TC2N: variants seen among roughly 807,000 people sequenced by gnomAD.
TC2N encodes the protein tandem C2 domains, nuclear, also known as tandem C2 domains nuclear protein.
Under a neutral mutation model 61.9 loss-of-function variants are expected in TC2N, and 51 were observed. The ratio of observed to expected loss-of-function variants is 0.82; its 90% CI spans 0.66 to 1.04. The LOEUF (loss-of-function observed/expected upper bound fraction) is 1.04, where lower values mean the gene tolerates loss of function less well. Ranked by LOEUF, TC2N falls within the 50% of genes least tolerant of loss-of-function variation. The pLI, the probability that TC2N is intolerant of heterozygous loss-of-function variation, is 0.00. For missense variants in TC2N, 556 were observed against 566.7 expected, an observed-to-expected ratio of 0.98 and a Z score of 0.19; for synonymous variants, 204 against 192.6, an observed-to-expected ratio of 1.06 and a Z score of -0.49.
At chr14:91,791,898 C>A (rs929549160) in intron 9 of TC2N, among the ~76,000 whole-genome samples, 3 of 151,998 alleles carry the variant, frequency 2.0e-5, no homozygotes, top group African/African-American at 7.2e-5. Flanking sequence ...GGGCAGATCA[C>A]GAGGTCAGGA....
chr14:91,849,941 C>T (rs111634959), intron 1 of TC2N, among the ~76,000 whole-genome samples: 6,198 of 151,428 alleles, frequency 0.041, 347 homozygotes, highest in African/African-American at 0.12. Flanking sequence ...CCCAGCTACT[C>T]GGGAGGCTGA....
intron 11 of TC2N, among the ~76,000 whole-genome samples, chr14:91,784,099 C>T (rs528793965): frequency 2.6e-5 from 4 of 152,194 alleles, no homozygotes; most frequent in East Asian, 1.9e-4. Flanking sequence ...ATAAGCCATA[C>T]GGAGCAGATG....
chr14:91,825,295 G>A (rs1887449509), intron 1 of TC2N, among the ~76,000 whole-genome samples: 1 of 152,044 alleles, frequency 6.6e-6, no homozygotes, highest in South Asian at 2.1e-4. Context: ...GCCTCCCAAA[G>A]TGCTGGGATT....
chr14:91,851,141 A>T (rs1888367202), intron 1 of TC2N, among the ~76,000 whole-genome samples: 1 of 152,144 alleles, frequency 6.6e-6, no homozygotes, highest in East Asian at 1.9e-4. Flanking sequence ...AATCATCCCA[A>T]AACCATCCCC....
rs11406325 is a variant in TC2N at position 91,838,146 on chromosome 14, C to CTTT, written c.-56-24324_-56-24322dup. On this transcript the variant is annotated intron_variant, in intron 1 of 11. Transcript: ENST00000435962. ...CATTCTGTCTCTCTCTCATTTGTTC[C>CTTT]TTTTTTTTTTTTTTTTTGGGCAGGC... is the stretch of plus-strand genomic sequence containing the variant. 7.0e-3 allele frequency among the ~76,000 whole-genome samples: 921 copies of CTTT among 131,804 alleles called. 17 individuals carry two copies. Among genetic ancestry groups the CTTT allele is most frequent in the African/African-American group, 0.024 (837 of 34,296 alleles). 86.5% of individuals were successfully genotyped at this position (131,804 alleles called of 152,430 possible).
At chr14:91,819,382 C>T (rs931580855) in intron 1 of TC2N, among the ~76,000 whole-genome samples, 1 of 151,600 alleles carries the variant, frequency 6.6e-6, no homozygotes, top group Admixed American at 6.6e-5. Flanking sequence ...TCAATGGAAA[C>T]AAAACAAAAA....
At chr14:91,848,327 G>C (rs886928726) in intron 1 of TC2N, among the ~76,000 whole-genome samples, 1 of 152,180 alleles carries the variant, frequency 6.6e-6, no homozygotes, top group African/African-American at 2.4e-5. Context: ...ATAACTAAGA[G>C]AAAACCCACA....
intron 1 of TC2N, 54 bp downstream of exon 1, chr14:91,867,208 C>T (rs554332779): frequency 6.6e-6 from 1 of 152,168 alleles, no homozygotes; most frequent in East Asian, 1.9e-4. Flanking sequence ...GTCCTCAAAT[C>T]ATCAAGACAG....
At chr14:91,828,920 A>G (rs1344060563) in intron 1 of TC2N, among the ~76,000 whole-genome samples, 1 of 151,978 alleles carries the variant, frequency 6.6e-6, no homozygotes, top group Non-Finnish European at 1.5e-5. Context: ...TCTCATTCTT[A>G]AAGATATTTC....
At chr14:91,863,574 G>T (rs1433499404) in intron 1 of TC2N, among the ~76,000 whole-genome samples, 1 of 152,130 alleles carries the variant, frequency 6.6e-6, no homozygotes, top group African/African-American at 2.4e-5. Flanking sequence ...AAGATTTTTT[G>T]ATTTGCAATT....
intron 5 of TC2N, among the ~76,000 whole-genome samples, chr14:91,799,915 A>T (rs758032124): frequency 7.2e-5 from 11 of 152,142 alleles, no homozygotes; most frequent in Admixed American, 1.3e-4. Context: ...ATCAGTGAAT[A>T]AAGTCCTACA....
chr14:91,787,514 C>T lies in TC2N; in HGVS notation c.1161G>A (p.Leu387=). 3 of 1,594,344 alleles carry T rather than the reference C, an allele frequency of 1.9e-6. No individual in the cohort carries two copies. The South Asian group carries it at 3.4e-5, about 18-fold the overall frequency. ...YLPSSSTPLT[L]SFFVKVGMFS... is the part of the protein sequence containing the mutation. ...ACTTTGAACCACTGATATACTTACT[C>T]AAAGTCAGAGGTGTTGATGAGCTTG... The change falls in exon 10 of 12, where the codon TTG becomes TTA. Residue 387 remains leucine, a splice_region_variant and synonymous_variant. Coordinates refer to ENST00000435962, the MANE Select transcript of TC2N (RefSeq NM_001128596.3).
chr14:91,811,142 A>G (rs773457722), intron 3 of TC2N, among the ~76,000 whole-genome samples: 1 of 152,154 alleles, frequency 6.6e-6, no homozygotes, highest in East Asian at 1.9e-4. Flanking sequence ...AGAAAACTGT[A>G]AAGAGATCGT....
chr14:91,862,470 C>CA (rs1888612637), intron 1 of TC2N, among the ~76,000 whole-genome samples: 1 of 152,162 alleles, frequency 6.6e-6, no homozygotes, highest in Non-Finnish European at 1.5e-5. Flanking sequence ...CCTCAGCCGT[C>CA]AACAGGTTTG....
At chr14:91,801,383 G>A (rs1294301198) in intron 4 of TC2N, among the ~76,000 whole-genome samples, 1 of 152,240 alleles carries the variant, frequency 6.6e-6, no homozygotes, top group East Asian at 1.9e-4. Flanking sequence ...GGCTGGTGTA[G>A]TGGCTCATGC....
intron 1 of TC2N, among the ~76,000 whole-genome samples, chr14:91,831,155 T>C (rs1887752644): frequency 6.6e-6 from 1 of 151,888 alleles, no homozygotes; most frequent in South Asian, 2.1e-4. Context: ...ATCTTTTGAA[T>C]TGTTTTTTTA....
intron 1 of TC2N, among the ~76,000 whole-genome samples, chr14:91,841,955 C>T (rs1888171293): frequency 6.6e-6 from 1 of 150,526 alleles, no homozygotes; most frequent in South Asian, 2.1e-4. Context: ...GCAGATTGTA[C>T]CATCCATCCT....
intron 3 of TC2N, among the ~76,000 whole-genome samples, chr14:91,805,752 G>A (rs548118642): frequency 1.3e-5 from 2 of 152,216 alleles, no homozygotes; most frequent in African/African-American, 4.8e-5. Flanking sequence ...AATAAATTTA[G>A]TATATCCTAA....
At chr14:91,818,472 G>A (rs1258739513) in intron 1 of TC2N, among the ~76,000 whole-genome samples, 2 of 151,744 alleles carry the variant, frequency 1.3e-5, no homozygotes, top group East Asian at 1.9e-4. Context: ...AAAATATCCA[G>A]CATTCAAGGT....
Sources: allele counts gnomAD v4.1 joint callset (sites outside exome capture counted in the v4.1 genomes callset), GRCh38; gene constraint gnomAD v4.1.1; transcripts MANE v1.5; gene names NCBI Gene and HGNC (gene_info 2026-07-23, HGNC 2026-07-21).